Variants in PTPRN2 observed in about 807,000 individuals in gnomAD.
PTPRN2 encodes protein tyrosine phosphatase receptor type N2.
Under a neutral mutation model 118.8 loss-of-function variants are expected in PTPRN2, and 74 were observed. The observed-to-expected ratio is 0.62, with a 90% CI of 0.52 to 0.76. The LOEUF is 0.76. Among genes scored for constraint, PTPRN2 ranks in the 30% least tolerant of loss-of-function variants. The pLI, the probability that PTPRN2 is intolerant of heterozygous loss-of-function variation, is 0.00. For synonymous variants in PTPRN2, 641 were observed against 608.0 expected (o/e 1.05, Z -0.80); for missense variants, 1,481 against 1,394.4 (o/e 1.06, Z -0.99).
At chr7:157,571,017 G>A (rs1048330496) in intron 20 of PTPRN2, among the ~76,000 whole-genome samples, 7 of 152,086 alleles carry the variant, frequency 4.6e-5, no homozygotes, top group Non-Finnish European at 7.4e-5. Flanking sequence ...GGCCGAGGTC[G>A]GTGGATCATT....
intron 21 of PTPRN2, among the ~76,000 whole-genome samples, chr7:157,566,343 G>A (rs989483833): frequency 6.6e-6 from 1 of 152,254 alleles, no homozygotes; most frequent in African/African-American, 2.4e-5. Context: ...TGGGTCTGCA[G>A]TGGGGGCCTC....
chr7:157,744,358 G>C (rs12671642), intron 12 of PTPRN2, among the ~76,000 whole-genome samples: 1 of 152,230 alleles, frequency 6.6e-6, no homozygotes, highest in African/African-American at 2.4e-5. Context: ...CGTCACCTAA[G>C]GTGATAGGAA....
In PTPRN2 at chr7:158,312,388, G is replaced by A. The variant is rs565771099; in HGVS notation, c.277+4431C>T. 6.3e-4 allele frequency among the ~76,000 whole-genome samples: 91 copies of A among 145,514 alleles called. 1 individual carries two copies. Among genetic ancestry groups the A allele is most frequent in the African/African-American group, 2.1e-3 (83 of 38,786 alleles). On this transcript the variant is annotated intron_variant, in intron 3 of 22. Coordinates refer to ENST00000389418, the MANE Select transcript of PTPRN2 (RefSeq NM_002847.5). ...CACATGCACACATGCACACATACCT[G>A]TACATGCACTCACATGCTCACATGT...
chr7:158,174,223 C>A (rs75576840), intron 5 of PTPRN2, among the ~76,000 whole-genome samples: 1 of 152,100 alleles, frequency 6.6e-6, no homozygotes, highest in East Asian at 1.9e-4. Context: ...TATGTTTTGC[C>A]GCAGCTTCAG....
At chr7:158,500,300 TAGTCTG>T (rs1215440245) in intron 1 of PTPRN2, among the ~76,000 whole-genome samples, 2 of 152,222 alleles carry the variant, frequency 1.3e-5, no homozygotes, top group Admixed American at 1.3e-4. Context: ...TTTAGGAGGA[TAGTCTG>T]AGGTGAATTT....
chr7:157,674,765 C>G lies in PTPRN2; in HGVS notation c.2001+7960G>C, dbSNP rs1288715497. Among the ~76,000 whole-genome samples the G allele has an allele frequency of 6.6e-6, 1 of 152,258 alleles. No individual in the cohort carries two copies. The highest frequency in any genetic ancestry group is 1.5e-5 in the Non-Finnish European group (1 of 68,042). ...CTGTACACGCCTGTGGAGTCCCACC[C>G]TGTCGTGTGCACGAGGCTGTCACCT... On this transcript the variant is annotated intron_variant, in intron 13 of 22. Coordinates refer to ENST00000389418, the MANE Select transcript of PTPRN2 (RefSeq NM_002847.5). The surrounding 1 kb of genome is among the most constrained non-coding windows in gnomAD (Gnocchi z 4.5).
intron 3 of PTPRN2, among the ~76,000 whole-genome samples, chr7:158,295,151 C>T (rs1357698054): frequency 7.0e-6 from 1 of 143,808 alleles, no homozygotes; most frequent in African/African-American, 2.6e-5. Flanking sequence ...GCTGACCCTG[C>T]CTGTCTGCCC....
intron 5 of PTPRN2, among the ~76,000 whole-genome samples, chr7:158,178,031 T>C (rs1319222678): frequency 6.6e-6 from 1 of 152,162 alleles, no homozygotes; most frequent in Non-Finnish European, 1.5e-5. Context: ...CATAGGATGG[T>C]CAGTTTGTAT....
rs557155122 is a variant in PTPRN2 at position 158,156,383 on chromosome 7, G to A, written c.910+10548C>T. 3.3e-5 allele frequency among the ~76,000 whole-genome samples: 5 copies of A among 152,322 alleles called. No individual in the cohort carries two copies. In the East Asian group the frequency reaches 7.7e-4, roughly 24 times the overall value. ...TAGTGTGAGTTTGCACACTCAGAAC[G>A]TGAACTGACGGACGACAGGTAACGC... On this transcript the variant is annotated intron_variant, in intron 6 of 22. Transcript: ENST00000389418.
chr7:158,470,454 C>T (rs375970261), intron 2 of PTPRN2, among the ~76,000 whole-genome samples: 90 of 152,298 alleles, frequency 5.9e-4, no homozygotes, highest in African/African-American at 2.0e-3. Context: ...AAAAGGTTCA[C>T]GCGAGGATGC....
intron 8 of PTPRN2, among the ~76,000 whole-genome samples, chr7:158,134,701 C>G (rs1818662041): frequency 4.6e-5 from 7 of 152,184 alleles, no homozygotes; most frequent in Admixed American, 4.6e-4. Context: ...GGGCTACAGT[C>G]TCCCAGCCGG....
chr7:157,594,367 G>A (rs1277143629), intron 17 of PTPRN2, among the ~76,000 whole-genome samples: 10 of 152,150 alleles, frequency 6.6e-5, no homozygotes, highest in Admixed American at 3.9e-4. Flanking sequence ...ACAGGCGCCC[G>A]GGCTGTGGAT....
chr7:158,199,926 A>G (rs148010590), intron 4 of PTPRN2, among the ~76,000 whole-genome samples: 1 of 152,322 alleles, frequency 6.6e-6, no homozygotes, highest in East Asian at 1.9e-4. Context: ...TTAATGAGGA[A>G]TGAAACAAAT....
intron 11 of PTPRN2, among the ~76,000 whole-genome samples, chr7:158,056,984 A>G (rs916433025): frequency 1.3e-5 from 2 of 152,298 alleles, no homozygotes; most frequent in Non-Finnish European, 2.9e-5. Context: ...GGATGTGTCC[A>G]TCAAGCTTTT....
At chr7:158,345,248 G>A (rs1249291492) in intron 2 of PTPRN2, among the ~76,000 whole-genome samples, 1 of 152,220 alleles carries the variant, frequency 6.6e-6, no homozygotes, top group African/African-American at 2.4e-5. Context: ...ACGTTAACAA[G>A]GAGAGAAAAC....
chr7:158,516,722 T>C (rs1366252915), intron 1 of PTPRN2, among the ~76,000 whole-genome samples: 1 of 151,522 alleles, frequency 6.6e-6, no homozygotes, highest in East Asian at 2.0e-4. Flanking sequence ...TTCTGCCTTT[T>C]GTTCCTGGTG....
chr7:158,011,874 G>A (rs575827172), intron 11 of PTPRN2, among the ~76,000 whole-genome samples: 1 of 152,284 alleles, frequency 6.6e-6, no homozygotes, highest in African/African-American at 2.4e-5. Flanking sequence ...GTTGGTCATA[G>A]ATTGTTATTT....
intron 13 of PTPRN2, among the ~76,000 whole-genome samples, chr7:157,670,388 A>G (rs1263558): frequency 0.85 from 129,420 of 152,094 alleles, 55,647 homozygotes; most frequent in East Asian, 0.98. Flanking sequence ...TCCTGATAAC[A>G]TCAGATTGAA....
At chr7:157,734,563 C>G (rs1406671095) in intron 12 of PTPRN2, among the ~76,000 whole-genome samples, 1 of 152,170 alleles carries the variant, frequency 6.6e-6, no homozygotes, top group East Asian at 1.9e-4. Context: ...TCTTCCAGCC[C>G]CAGAGATGTA....
Sources: gnomAD v4.1 joint callset for allele counts (sites outside exome capture counted in the v4.1 genomes callset) on GRCh38, gnomAD v4.1.1 for gene constraint, Gnocchi (gnomAD v3.1) non-coding constraint, MANE v1.5 for transcripts, NCBI Gene and HGNC (gene_info 2026-07-23, HGNC 2026-07-21) for gene names.